The following SACS variants were observed in gnomAD, a reference collection of about 807,000 sequenced individuals.
SACS encodes the protein sacsin molecular chaperone.
Under a neutral mutation model 348.0 loss-of-function variants are expected in SACS, and 197 were observed. The observed-to-expected ratio is 0.57, with a 90% CI of 0.50 to 0.64. The LOEUF (loss-of-function observed/expected upper bound fraction) is 0.64, where lower values mean the gene tolerates loss of function less well. SACS is among the 30% of genes least tolerant of loss of function. The probability of loss-of-function intolerance (pLI) is 0.00; values close to 1 mark genes in which losing one functional copy is unlikely to be tolerated. For missense variants in SACS, 4,999 were observed against 5,360.8 expected (o/e 0.93, Z 2.11); for synonymous variants, 1,985 against 1,910.6 (o/e 1.04, Z -1.02).
At chr13:23,418,857 GGGT>G (rs1873792844) in intron 1 of SACS, 1 of 152,230 alleles carries the variant, frequency 6.6e-6, no homozygotes, top group Non-Finnish European at 1.5e-5. Context: ...AGGTGCCCAT[GGGT>G]TTGTCTCCAT....
At chr13:23,416,482 G>C (rs1001273682) in intron 1 of SACS, among the ~76,000 whole-genome samples, 2 of 152,080 alleles carry the variant, frequency 1.3e-5, no homozygotes, top group African/African-American at 4.8e-5. Flanking sequence ...AGTCAACCGG[G>C]CACCGTGGTT....
chr13:23,384,721 G>A (rs1450631279), intron 2 of SACS, among the ~76,000 whole-genome samples: 1 of 152,160 alleles, frequency 6.6e-6, no homozygotes, highest in Non-Finnish European at 1.5e-5. Context: ...TGGAGGACCA[G>A]AGAATGAAGG....
intron 1 of SACS, chr13:23,426,923 C>T (rs1441314097): frequency 1.3e-5 from 2 of 152,154 alleles, no homozygotes; most frequent in African/African-American, 4.8e-5. Flanking sequence ...TCCTTTCACC[C>T]CCTCAAACCT....
At chr13:23,410,336 A>G (rs1035521888) in intron 2 of SACS, among the ~76,000 whole-genome samples, 1 of 152,198 alleles carries the variant, frequency 6.6e-6, no homozygotes, top group African/African-American at 2.4e-5. Context: ...ACACACTTAA[A>G]TAACAACCAG....
rs553477466 is a variant in SACS, at chr13:23,388,454, AATAT to A, written c.21-13189_21-13186del. On this transcript the variant is annotated intron_variant, in intron 2 of 9. Transcript: ENST00000382292. ...TATATATATGGTACATATAATATAA[AATAT>A]ATATAAAATATAAAAATATGGTGTG... Among the ~76,000 whole-genome samples the A allele has an allele frequency of 2.8e-5, 4 of 145,232 alleles. No homozygotes were observed. In the East Asian group the frequency reaches 8.0e-4, roughly 29 times the overall value.
chr13:23,407,300 A>G (rs1170339258), intron 2 of SACS, among the ~76,000 whole-genome samples: 3 of 152,020 alleles, frequency 2.0e-5, no homozygotes, highest in Non-Finnish European at 2.9e-5. Flanking sequence ...CCAGGTTCAC[A>G]CCATTCTCCT....
rs1045302537 is a variant in SACS at position 23,346,738 on chromosome 13, A to T, written c.2186-5048T>A. 8.0e-6 allele frequency: 6 copies of T among 750,492 alleles called. No homozygotes were observed. In the African/African-American group the frequency reaches 1.1e-4, roughly 14 times the overall value. 46.5% of individuals were successfully genotyped at this position (750,492 alleles called of 1,614,324 possible). A position where few individuals can be genotyped will look rare whatever the true frequency, so the allele number is the denominator to read the frequency against. ...AATTTCTAGCTACTTAGGTAAATGC[A>T]AAAACAGAATTCGAAGAGCCAAATG... On this transcript the variant is annotated intron_variant, in intron 9 of 9. Transcript: ENST00000382292.
In SACS at chr13:23,340,232, A is replaced by T. The variant is rs1198750536; in HGVS notation, c.3644T>A (p.Ile1215Asn). The T allele has an allele frequency of 6.2e-7, 1 of 1,610,534 alleles. No individual in the cohort carries two copies. The highest frequency in any genetic ancestry group is 2.2e-5 in the East Asian group (1 of 44,868). The part of the protein sequence containing the change: ...IHVNLEKALG[I>N]FTKPSLSAVL... ...AGCACTAAGGCTAGGTTTTGTGAAGATCCCTAATGCTTTTTCCAGGTTTAC... is the reference window on the plus strand; with the variant it reads ...AGCACTAAGGCTAGGTTTTGTGAAGTTCCCTAATGCTTTTTCCAGGTTTAC... Residue 1215 changes from isoleucine (I) to asparagine (N), a missense_variant, in exon 10 of 10, where the codon ATC (isoleucine) becomes AAC (asparagine). Physicochemically the swap from Ile to Asn is moderately radical, Grantham distance 149 (BLOSUM62 -3). Transcript: ENST00000382292.
intron 9 of SACS, among the ~76,000 whole-genome samples, chr13:23,342,180 A>C (rs1566073051): frequency 6.6e-6 from 1 of 152,220 alleles, no homozygotes; most frequent in African/African-American, 2.4e-5. Context: ...TAGAAAATCT[A>C]TATATAAATC....
At chr13:23,408,793 A>G (rs545363130) in intron 2 of SACS, among the ~76,000 whole-genome samples, 152 of 151,890 alleles carry the variant, frequency 1.0e-3, no homozygotes, top group Non-Finnish European at 1.8e-3. Flanking sequence ...GTGAAACCCC[A>G]TCTCTACTAA....
intron 2 of SACS, among the ~76,000 whole-genome samples, chr13:23,394,149 C>A (rs1250590774): frequency 6.6e-6 from 1 of 152,222 alleles, no homozygotes; most frequent in Non-Finnish European, 1.5e-5. Context: ...TTCAGCCTCA[C>A]CCCTGATCTC....
In SACS at chr13:23,338,867, T is replaced by C; in HGVS notation, c.5009A>G (p.Tyr1670Cys). 6.2e-7 allele frequency: 1 copy of C among 1,613,186 alleles called. No homozygotes were observed. The highest frequency in any genetic ancestry group is 8.5e-7 in the Non-Finnish European group (1 of 1,179,832). ...SSTCYNTADI[Y>C]SLVDEFSLCG... ...GAGACTAAATTCATCCACAAGAGAA[T>C]AAATATCTGCTGTATTGTAGCACGT... Residue 1670 changes from tyrosine to cysteine, a missense_variant, in exon 10 of 10, where the codon TAT becomes TGT. Tyr to Cys is a radical substitution (Grantham distance 194). This residue lies in a region of SACS where 3,156 missense variants were observed against 3,380.1 expected (regional missense o/e 0.93). Coordinates refer to ENST00000382292, the MANE Select transcript of SACS (RefSeq NM_014363.6).
chr13:23,337,449 T>C lies in SACS; in HGVS notation c.6427A>G (p.Ile2143Val). Residue 2143 changes from isoleucine to valine, a missense_variant, in exon 10 of 10, where the codon ATT becomes GTT. Around this residue, in one of 6 missense-constraint regions of SACS, gnomAD observed 3,156 missense variants for 3,380.1 expected, o/e 0.93. Transcript: ENST00000382292. The stretch of plus-strand genomic sequence containing the variant: ...AACTGAACTAGTTTAATCAAAATAA[T>C]AGGATTGAGATAATCCTGAGTAGAA... ...YGSTQDYLNP[I>V]ILIKLVQLGM... 6.2e-7 allele frequency: 1 copy of C among 1,612,616 alleles called. No homozygotes were observed. The highest frequency in any genetic ancestry group is 8.5e-7 in the Non-Finnish European group (1 of 1,179,374).
Position 23,339,833 on chromosome 13 carries a change from C to T in SACS, c.4043G>A (p.Ser1348Asn), listed in dbSNP as rs1272766302. ...AAGATTTTGTTTGCTTTCTTGTTCA[C>T]TGAGATCTTGGTCACTTTTGAGATA... ...KIYLKSDQDL[S>N]EQESKQNLHL... Residue 1348 changes from serine (S) to asparagine (N), a missense_variant, in exon 10 of 10, where the codon AGT becomes AAT. By Grantham distance (46) the Ser-to-Asn change is conservative. Coordinates refer to ENST00000382292, the MANE Select transcript of SACS (RefSeq NM_014363.6). 1 of 1,613,090 alleles carries T rather than the reference C, an allele frequency of 6.2e-7. No homozygotes were observed. Among genetic ancestry groups the T allele is most frequent in the South Asian group, 1.1e-5 (1 of 90,928 alleles).
chr13:23,418,889 A>T (rs1317811188), intron 1 of SACS: 1 of 152,186 alleles, frequency 6.6e-6, no homozygotes, highest in South Asian at 2.1e-4. Context: ...CCCTCTTCCT[A>T]GGAGAGTAGG....
intron 9 of SACS, among the ~76,000 whole-genome samples, chr13:23,351,392 A>G (rs905860086): frequency 2.0e-5 from 3 of 152,072 alleles, no homozygotes; most frequent in Non-Finnish European, 4.4e-5. Context: ...TGTGGGAAGG[A>G]CCCGGTGGGA....
intron 1 of SACS, among the ~76,000 whole-genome samples, chr13:23,422,707 G>A (rs1279820894): frequency 6.6e-6 from 1 of 151,522 alleles, no homozygotes; most frequent in African/African-American, 2.4e-5. Context: ...CGCCCAGGCT[G>A]GAGTGCAGTG....
chr13:23,386,966 C>G (rs1872313477), intron 2 of SACS, among the ~76,000 whole-genome samples: 1 of 151,964 alleles, frequency 6.6e-6, no homozygotes, highest in African/African-American at 2.4e-5. Flanking sequence ...TCGTGGCACC[C>G]CAAAACAATT....
In SACS at chr13:23,341,072, T is replaced by C; in HGVS notation, c.2804A>G (p.Asp935Gly). 2 of 1,614,110 alleles carry C rather than the reference T, an allele frequency of 1.2e-6. No homozygotes were observed. Among genetic ancestry groups the C allele is most frequent in the South Asian group, 1.1e-5 (1 of 91,080 alleles). The change falls in exon 10 of 10, where the codon GAT becomes GGT. Residue 935 changes from aspartate (D) to glycine (G), a missense_variant. By Grantham distance (94) the Asp-to-Gly change is moderately conservative. Around this residue, in one of 6 missense-constraint regions of SACS, gnomAD observed 3,156 missense variants for 3,380.1 expected, o/e 0.93. Transcript: ENST00000382292. The part of the protein sequence containing the change: ...AIFKRINHSS[D>G]QGISSYTKLK... ...TTTTGTATAAGAGGAAATTCCCTGATCAGAAGAATGGTTAATGCGCTTGAA... is the reference window on the plus strand; with the variant it reads ...TTTTGTATAAGAGGAAATTCCCTGACCAGAAGAATGGTTAATGCGCTTGAA...
Sources: gnomAD v4.1 joint callset for allele counts (sites outside exome capture counted in the v4.1 genomes callset) on GRCh38, gnomAD v4.1.1 for gene constraint, gnomAD v4.1.1 regional missense constraint, MANE v1.5 for transcripts, NCBI Gene and HGNC (gene_info 2026-07-23, HGNC 2026-07-21) for gene names.